Variants in NRG1 observed in about 807,000 individuals in gnomAD.
The protein encoded by NRG1 is pro-neuregulin-1, membrane-bound isoform.
A neutral mutation model predicts 63.8 loss-of-function variants in NRG1; 18 were observed. That is an observed-to-expected ratio of 0.28 (90% CI 0.19 to 0.42). The LOEUF (loss-of-function observed/expected upper bound fraction) is 0.42, where lower values mean the gene tolerates loss of function less well. Ranked by LOEUF, NRG1 falls within the 10% of genes least tolerant of loss-of-function variation. NRG1 has a pLI of 1.00. For synonymous variants in NRG1, 302 were observed against 301.3 expected (o/e 1.00, Z -0.02); for missense variants, 762 against 814.7 (o/e 0.94, Z 0.79).
intron 1 of NRG1, among the ~76,000 whole-genome samples, chr8:31,773,906 C>T (rs1318504342): frequency 1.3e-5 from 2 of 152,062 alleles, no homozygotes; most frequent in African/African-American, 4.8e-5. Context: ...TACCTTCATC[C>T]TTTCTCTACT....
intron 1 of NRG1, among the ~76,000 whole-genome samples, chr8:32,260,475 G>A (rs1264179001): frequency 6.6e-6 from 1 of 152,202 alleles, no homozygotes; most frequent in African/African-American, 2.4e-5. Flanking sequence ...TTAGTGCTCA[G>A]GTCTTTTGCT....
intron 1 of NRG1, among the ~76,000 whole-genome samples, chr8:32,499,645 G>A (rs1190782382): frequency 1.3e-5 from 2 of 152,164 alleles, no homozygotes; most frequent in Non-Finnish European, 2.9e-5. Context: ...CTGCCCTCCA[G>A]CCTGGGCGAC....
chr8:32,264,437 G>A (rs558786395), intron 1 of NRG1, among the ~76,000 whole-genome samples: 1 of 152,196 alleles, frequency 6.6e-6, no homozygotes, highest in Non-Finnish European at 1.5e-5. Context: ...CTAGAGGGAG[G>A]CCTAAATGTA....
At chr8:31,989,610 G>T (rs530536679) in intron 1 of NRG1, among the ~76,000 whole-genome samples, 85 of 152,212 alleles carry the variant, frequency 5.6e-4, no homozygotes, top group Non-Finnish European at 1.1e-3. Flanking sequence ...TTTGGAAGGA[G>T]ATCTGGAACC....
At chr8:32,432,574 C>T (rs1818279184) in intron 1 of NRG1, among the ~76,000 whole-genome samples, 1 of 151,748 alleles carries the variant, frequency 6.6e-6, no homozygotes, top group Admixed American at 6.6e-5. Flanking sequence ...AGTTCAGTGG[C>T]TCTCAGCTCA....
At chr8:31,801,005 A>G (rs1821729268) in intron 1 of NRG1, among the ~76,000 whole-genome samples, 1 of 85,814 alleles carries the variant, frequency 1.2e-5, no homozygotes, top group Non-Finnish European at 2.4e-5. Flanking sequence ...CACGCCCGCC[A>G]ATTTTTTTGT....
At position 32,399,012 on chromosome 8, in the gene NRG1, G is replaced by A. The variant is rs774699817; in HGVS notation, c.38-196816G>A. Reference sequence around the variant, plus strand: ...TAAAATAACCTCATTTATTTTGTACGAATGTACAAAAATAAAACAATGTAG... The same window carrying A: ...TAAAATAACCTCATTTATTTTGTACAAATGTACAAAAATAAAACAATGTAG... On this transcript the variant is annotated intron_variant, in intron 1 of 10. Coordinates refer to the NRG1 transcript ENST00000519301. Among the ~76,000 whole-genome samples, 166 of 151,976 alleles carry A rather than the reference G, an allele frequency of 1.1e-3. 2 individuals are homozygous for A. Among genetic ancestry groups the A allele is most frequent in the Non-Finnish European group, 1.8e-3 (125 of 68,016 alleles).
chr8:32,405,851 A>C (rs1009158145), intron 1 of NRG1, among the ~76,000 whole-genome samples: 1 of 152,194 alleles, frequency 6.6e-6, no homozygotes, highest in African/African-American at 2.4e-5. Flanking sequence ...GCTTTTAAAA[A>C]TTTACTTTTT....
intron 1 of NRG1, among the ~76,000 whole-genome samples, chr8:32,413,728 C>T (rs911234198): frequency 7.9e-5 from 12 of 152,152 alleles, no homozygotes; most frequent in African/African-American, 2.4e-4. Flanking sequence ...TCCTAGTTCA[C>T]CTGCTGAACA....
intron 1 of NRG1, among the ~76,000 whole-genome samples, chr8:32,352,750 A>G (rs1293438346): frequency 6.6e-6 from 1 of 151,952 alleles, no homozygotes; most frequent in Non-Finnish European, 1.5e-5. Context: ...GCATGGTGGC[A>G]TGCACCTGTA....
At chr8:32,709,191 A>G (rs1455187421) in intron 5 of NRG1, among the ~76,000 whole-genome samples, 2 of 152,156 alleles carry the variant, frequency 1.3e-5, no homozygotes, top group African/African-American at 2.4e-5. Context: ...TAAGTGAAAA[A>G]TGTTAATGGT....
Position 32,004,739 on chromosome 8 carries a change from A to T in NRG1, c.37+365308A>T, listed in dbSNP as rs1813477581. On this transcript the variant is annotated intron_variant, in intron 1 of 10. Transcript: ENST00000519301. ...AAACAAGAAACAAAAGAGAAAAAGCATACACAAAACAATCCAGACTAACAA... is the reference window on the plus strand; with the variant it reads ...AAACAAGAAACAAAAGAGAAAAAGCTTACACAAAACAATCCAGACTAACAA... Among the ~76,000 whole-genome samples, 3 of 151,962 alleles carry T rather than the reference A, an allele frequency of 2.0e-5. No homozygotes were observed. The South Asian group carries it at 6.2e-4, about 32-fold the overall frequency.
chr8:32,523,652 C>G (rs1336574063), intron 1 of NRG1, among the ~76,000 whole-genome samples: 1 of 151,866 alleles, frequency 6.6e-6, no homozygotes, highest in Non-Finnish European at 1.5e-5. Flanking sequence ...GAGTTCAAGA[C>G]CAGCCTGACC....
chr8:31,850,912 A>G (rs1206969598), intron 1 of NRG1, among the ~76,000 whole-genome samples: 1 of 152,164 alleles, frequency 6.6e-6, no homozygotes, highest in East Asian at 1.9e-4. Context: ...ACAAAACCGG[A>G]TTAGTGCTGC....
At chr8:31,721,581 C>T (rs975166252) in intron 1 of NRG1, among the ~76,000 whole-genome samples, 2 of 152,160 alleles carry the variant, frequency 1.3e-5, no homozygotes, top group Admixed American at 1.3e-4. Flanking sequence ...AATTTCACAT[C>T]TTTCTTCGCA....
At chr8:32,301,754 A>T (rs1474376579) in intron 1 of NRG1, among the ~76,000 whole-genome samples, 1 of 152,186 alleles carries the variant, frequency 6.6e-6, no homozygotes, top group African/African-American at 2.4e-5. Context: ...CGCTATCATG[A>T]GAACAGTGCA....
At chr8:31,874,830 T>C (rs1297350755) in intron 1 of NRG1, among the ~76,000 whole-genome samples, 1 of 151,884 alleles carries the variant, frequency 6.6e-6, no homozygotes, top group Non-Finnish European at 1.5e-5. Context: ...CTCATTTCTG[T>C]GTACATGTGA....
intron 1 of NRG1, among the ~76,000 whole-genome samples, chr8:32,108,586 A>T (rs1831581715): frequency 6.6e-6 from 1 of 151,818 alleles, no homozygotes; most frequent in African/African-American, 2.4e-5. Flanking sequence ...AAACCATATT[A>T]TTACTAATCA....
Position 31,920,303 on chromosome 8 carries a change from TAAA to T in NRG1, c.37+280880_37+280882del, listed in dbSNP as rs5890604. Among the ~76,000 whole-genome samples, 10 of 151,022 alleles carry T rather than the reference TAAA, an allele frequency of 6.6e-5. No homozygotes were observed. The South Asian group carries it at 1.9e-3, about 28-fold the overall frequency. The stretch of plus-strand genomic sequence containing the variant: ...TTGGAACTACCTTCGTGCTTTAAAT[TAAA>T]AAAAAAAGATGTATCTGTACATTCT... On this transcript the variant is annotated intron_variant, in intron 1 of 10. Coordinates refer to the NRG1 transcript ENST00000519301.
Sources: allele counts gnomAD v4.1 joint callset (sites outside exome capture counted in the v4.1 genomes callset), GRCh38; gene constraint gnomAD v4.1.1; transcripts MANE v1.5; gene names NCBI Gene and HGNC (gene_info 2026-07-23, HGNC 2026-07-21).